The following ZNF8 variants were observed in gnomAD, a reference collection of about 807,000 sequenced individuals.
The protein encoded by ZNF8 is zinc finger protein 8, also known as zinc finger protein 272.
In ZNF8, 9 loss-of-function variants were observed where a neutral mutation model predicts 12.2. The observed-to-expected ratio is 0.73, with a 90% CI of 0.44 to 1.28. The LOEUF (loss-of-function observed/expected upper bound fraction) is 1.28, where lower values mean the gene tolerates loss of function less well. Ranked by LOEUF, ZNF8 falls within the 50% of genes most tolerant of loss-of-function variation. The pLI is 0.00. For missense variants in ZNF8, 664 were observed against 729.1 expected, an observed-to-expected ratio of 0.91 and a Z score of 1.03; for synonymous variants, 274 against 282.3, an observed-to-expected ratio of 0.97 and a Z score of 0.30.
chr19:58,284,203 G>T (rs967327162), intron 1 of ZNF8, among the ~76,000 whole-genome samples: 12 of 151,430 alleles, frequency 7.9e-5, no homozygotes, highest in African/African-American at 2.9e-4. Context: ...CAGCCTGATT[G>T]ACAGAGTGAG....
intron 1 of ZNF8, among the ~76,000 whole-genome samples, chr19:58,284,792 T>G (rs2051372791): frequency 6.6e-6 from 1 of 152,160 alleles, no homozygotes; most frequent in Non-Finnish European, 1.5e-5. Context: ...GAGGTTGCAG[T>G]AAGTGGAGGT....
At chr19:58,292,573 AGT>A (rs2051426409) in intron 3 of ZNF8, among the ~76,000 whole-genome samples, 1 of 152,202 alleles carries the variant, frequency 6.6e-6, no homozygotes, top group African/African-American at 2.4e-5. Context: ...AGTCCATAGC[AGT>A]CACTCTCCGT....
chr19:58,293,529 C>T (rs918808151), intron 3 of ZNF8, among the ~76,000 whole-genome samples: 2 of 152,244 alleles, frequency 1.3e-5, no homozygotes, highest in African/African-American at 2.4e-5. Context: ...TTGGGGAAAG[C>T]GGGAAGCCTG....
intron 1 of ZNF8, chr19:58,279,501 A>G (rs2051332063): frequency 6.7e-7 from 1 of 1,483,148 alleles, no homozygotes; most frequent in Non-Finnish European, 8.9e-7. Context: ...GTTGACTGAT[A>G]ACAGTAATTG....
intron 1 of ZNF8, among the ~76,000 whole-genome samples, chr19:58,282,537 A>G (rs2051356724): frequency 6.6e-6 from 1 of 152,204 alleles, no homozygotes; most frequent in Non-Finnish European, 1.5e-5. Context: ...TTTCATATCT[A>G]AGAATCCCTT....
At position 58,294,522 on chromosome 19, in the gene ZNF8, C is replaced by T. The variant is rs569884932; in HGVS notation, c.714C>T (p.Ser238=). The part of the protein sequence containing the change: ...PGENSDCHRD[S]SQAIPITELT... The stretch of plus-strand genomic sequence containing the variant: ...AAAACAGTGACTGTCACAGAGATTC[C>T]AGTCAGGCCATTCCAATTACGGAAC... Residue 238 remains serine, a synonymous_variant, in exon 4 of 4, where the codon TCC becomes TCT. Coordinates refer to ENST00000621650, the MANE Select transcript of ZNF8 (RefSeq NM_021089.3). This position sits in a 1 kb window ranked among gnomAD's most constrained non-coding sequence, Gnocchi z 5.5. The T allele has an allele frequency of 4.3e-6, 7 of 1,614,178 alleles. No homozygotes were observed. The highest frequency in any genetic ancestry group is 3.3e-5 in the South Asian group (3 of 91,074).
intron 3 of ZNF8, among the ~76,000 whole-genome samples, chr19:58,291,273 C>T (rs2147959160): frequency 6.6e-6 from 1 of 152,310 alleles, no homozygotes; most frequent in African/African-American, 2.4e-5. Context: ...TCATCAACTG[C>T]TCACCCTCTC....
chr19:58,296,914 C>T lies in ZNF8; in HGVS notation c.*1378C>T, dbSNP rs916460841. The T allele has an allele frequency of 6.6e-6, 1 of 152,206 alleles. No individual in the cohort carries two copies. The highest frequency in any genetic ancestry group is 1.5e-5 in the Non-Finnish European group (1 of 68,076). The allele number at this position is 152,206 out of a possible 1,614,324, so 9.4% of individuals were successfully genotyped here. On this transcript the variant is annotated 3_prime_UTR_variant, in exon 4 of 4. Transcript: ENST00000621650. The stretch of plus-strand genomic sequence containing the variant: ...TGGAGAAGCCACCTGGGTATAAACC[C>T]AGCCCAGAAATGTAGCTGACATTTT...
intron 1 of ZNF8, among the ~76,000 whole-genome samples, chr19:58,282,706 C>T (rs1399258790): frequency 1.3e-5 from 2 of 151,982 alleles, no homozygotes; most frequent in African/African-American, 4.8e-5. Context: ...CGGCTCACTG[C>T]AACCTCTGCC....
intron 2 of ZNF8, 43 bp downstream of exon 2, chr19:58,285,886 G>T (rs758753193): frequency 3.2e-6 from 5 of 1,572,454 alleles, no homozygotes; most frequent in Non-Finnish European, 4.3e-6. Flanking sequence ...TTCTCTCTGG[G>T]TTATAAGTCA....
intron 3 of ZNF8, among the ~76,000 whole-genome samples, chr19:58,291,003 T>G (rs1029835179): frequency 2.0e-5 from 3 of 152,200 alleles, no homozygotes; most frequent in African/African-American, 7.2e-5. Context: ...CACTTCAGTC[T>G]GGGTGACAGA....
At chr19:58,282,158 G>GTTTTA (rs2051354262) in intron 1 of ZNF8, among the ~76,000 whole-genome samples, 1 of 151,968 alleles carries the variant, frequency 6.6e-6, no homozygotes, top group African/African-American at 2.4e-5. Flanking sequence ...ATGTGGTTTT[G>GTTTTA]TTTTGTTTTT....
intron 1 of ZNF8, chr19:58,279,369 C>T: frequency 6.8e-7 from 1 of 1,460,698 alleles, no homozygotes; most frequent in Non-Finnish European, 9.0e-7. Flanking sequence ...GCATGCTCCA[C>T]GCGGCTCTGT....
chr19:58,279,588 C>T, intron 1 of ZNF8: 1 of 1,533,172 alleles, frequency 6.5e-7, no homozygotes, highest in Non-Finnish European at 8.7e-7. Flanking sequence ...CGGACACCCA[C>T]CGGGACCCCA....
chr19:58,296,393 TTC>T lies in ZNF8; in HGVS notation c.*859_*860del, dbSNP rs2051455358. ...ATCTGGTGTTGCTATGAGCCAGAAG[TTC>T]TTTTTTTTGTTTTTTGTCTGAGATG... On this transcript the variant is annotated 3_prime_UTR_variant, in exon 4 of 4. Coordinates refer to ENST00000621650, the MANE Select transcript of ZNF8 (RefSeq NM_021089.3). The T allele has an allele frequency of 6.6e-6, 1 of 151,840 alleles. No homozygotes were observed. Among genetic ancestry groups the T allele is most frequent in the African/African-American group, 2.4e-5 (1 of 41,304 alleles). 9.4% of individuals were successfully genotyped at this position (151,840 alleles called of 1,614,324 possible).
rs991971711 is a variant in ZNF8, at chr19:58,294,144, C to T, written c.336C>T (p.Gly112=). 3 of 1,612,472 alleles carry T rather than the reference C, an allele frequency of 1.9e-6. No individual in the cohort carries two copies. In the East Asian group the frequency reaches 6.7e-5, roughly 36 times the overall value. ...SESQASRKEE[G]LPEEEPSHVT... is the part of the protein sequence containing the mutation. ...GCCAAGCATCACGCAAGGAAGAGGG[C>T]CTGCCTGAAGAGGAGCCATCCCATG... is the stretch of plus-strand genomic sequence containing the variant. Residue 112 remains glycine, a synonymous_variant, in exon 4 of 4, where the codon GGC becomes GGT. Coordinates refer to ENST00000621650, the MANE Select transcript of ZNF8 (RefSeq NM_021089.3). This position sits in a 1 kb window ranked among gnomAD's most constrained non-coding sequence, Gnocchi z 5.5.
chr19:58,296,203 C>A lies in ZNF8; in HGVS notation c.*667C>A, dbSNP rs2051453819. ...ACCCTGAAAACTGCTTATTCCACAT[C>A]TGTTGATGTGGTCCACTGGGGGCAG... On this transcript the variant is annotated 3_prime_UTR_variant, in exon 4 of 4. Transcript: ENST00000621650. The A allele has an allele frequency of 6.6e-6, 1 of 152,290 alleles. No homozygotes were observed. Among genetic ancestry groups the A allele is most frequent in the Non-Finnish European group, 1.5e-5 (1 of 68,112 alleles). The allele number at this position is 152,290 out of a possible 1,614,324, so 9.4% of individuals were successfully genotyped here.
intron 1 of ZNF8, among the ~76,000 whole-genome samples, chr19:58,281,134 C>T (rs1384569076): frequency 6.6e-6 from 1 of 152,106 alleles, no homozygotes; most frequent in African/African-American, 2.4e-5. Flanking sequence ...AGGAGCCATC[C>T]AGTATTCAGT....
intron 1 of ZNF8, among the ~76,000 whole-genome samples, chr19:58,282,654 G>A (rs2051357700): frequency 6.6e-6 from 1 of 151,222 alleles, no homozygotes. Flanking sequence ...TTGAGATGGA[G>A]TCTCACTGTG....
Sources: gnomAD v4.1 joint callset for allele counts (sites outside exome capture counted in the v4.1 genomes callset) on GRCh38, gnomAD v4.1.1 for gene constraint, Gnocchi (gnomAD v3.1) non-coding constraint, MANE v1.5 for transcripts, NCBI Gene and HGNC (gene_info 2026-07-23, HGNC 2026-07-21) for gene names.